OGDHL: variants seen among roughly 807,000 people sequenced by gnomAD.
OGDHL encodes 2-oxoglutarate dehydrogenase-like, mitochondrial.
In OGDHL, 79 loss-of-function variants were observed where a neutral mutation model predicts 109.6. The ratio of observed to expected loss-of-function variants is 0.72; its 90% CI spans 0.60 to 0.87. The LOEUF (loss-of-function observed/expected upper bound fraction) is 0.87, where lower values mean the gene tolerates loss of function less well. Ranked by LOEUF, OGDHL falls within the 40% of genes least tolerant of loss-of-function variation. The pLI, the probability that OGDHL is intolerant of heterozygous loss-of-function variation, is 0.00. For missense variants in OGDHL, 1,275 were observed against 1,362.2 expected, an observed-to-expected ratio of 0.94 and a Z score of 1.01; for synonymous variants, 528 against 537.2, an observed-to-expected ratio of 0.98 and a Z score of 0.24.
chr10:49,749,879 C>A (rs1049193963), intron 7 of OGDHL, 63 bp from the exon 8 acceptor site: 4 of 1,415,336 alleles, frequency 2.8e-6, no homozygotes, highest in East Asian at 2.5e-5. Flanking sequence ...TTCCCTCCCC[C>A]ACTGTGGAGG....
At chr10:49,758,361 T>A (rs1181525881) in intron 2 of OGDHL, 28 bp downstream of exon 2, 7 of 1,583,766 alleles carry the variant, frequency 4.4e-6, no homozygotes, top group Non-Finnish European at 6.0e-6. Flanking sequence ...TCCCTTGCGG[T>A]GGCCCAGGGT....
In OGDHL at chr10:49,758,450, C is replaced by T. The variant is rs1015828037; in HGVS notation, c.143G>A (p.Gly48Asp). The T allele has an allele frequency of 6.2e-7, 1 of 1,613,880 alleles. No individual in the cohort carries two copies. Among genetic ancestry groups the T allele is most frequent in the African/African-American group, 1.3e-5 (1 of 75,052 alleles). Residue 48 changes from glycine (G) to aspartate (D), a missense_variant, in exon 2 of 23, where the codon GGC (glycine) becomes GAC (aspartate). Gly to Asp is a moderately conservative substitution (Grantham distance 94, BLOSUM62 -1). Coordinates refer to ENST00000374103, the MANE Select transcript of OGDHL (RefSeq NM_018245.3). ...ATFPSSKGGG[G>D]SSYMEEMYFA... The stretch of plus-strand genomic sequence containing the variant: ...GTACATCTCCTCCATGTAACTGGAG[C>T]CGCCTCCACCTTTGCTGCTTGGGAA...
At chr10:49,742,413 T>TTCACC in intron 15 of OGDHL, among the ~76,000 whole-genome samples, 1 of 702 alleles carries the variant, frequency 1.4e-3, no homozygotes, top group Non-Finnish European at 3.2e-3. Context: ...ACACACACCA[T>TTCACC]ACACACATAC....
chr10:49,758,482 C>T lies in OGDHL; in HGVS notation c.111G>A (p.Pro37=), dbSNP rs138949514. 4.6e-4 allele frequency: 746 copies of T among 1,613,754 alleles called. 1 individual carries two copies. The highest frequency in any genetic ancestry group is 5.8e-4 in the Non-Finnish European group (690 of 1,180,044). The change falls in exon 2 of 23, where the codon CCG becomes CCA. Residue 37 remains proline (P), a synonymous_variant. Transcript: ENST00000374103. ...CACCTTTGCTGCTTGGGAAGGTGGC[C>T]GGTGGCCCGGAGGACCTGCTGCGCC... is the stretch of plus-strand genomic sequence containing the variant. The part of the protein sequence containing the change: ...FGWRSRSSGP[P]ATFPSSKGGG...
intron 6 of OGDHL, among the ~76,000 whole-genome samples, chr10:49,751,390 C>T (rs941832657): frequency 5.3e-5 from 8 of 152,134 alleles, no homozygotes; most frequent in South Asian, 4.1e-4. Flanking sequence ...GCCCACACCT[C>T]GCTGCTCAGG....
intron 14 of OGDHL, chr10:49,743,708 G>A: frequency 3.6e-6 from 1 of 280,184 alleles, no homozygotes; most frequent in Non-Finnish European, 6.8e-6. Flanking sequence ...CCTGACCCAG[G>A]GACGCCCCGG....
Position 49,753,888 on chromosome 10 carries a change from TAAAAAAAAAAAAAAA to T in OGDHL, c.376-1163_376-1149del, listed in dbSNP as rs63200161. On this transcript the variant is annotated intron_variant, in intron 3 of 22. Coordinates refer to ENST00000374103, the MANE Select transcript of OGDHL (RefSeq NM_018245.3). ...CTGGGCTACAAGGAGAAACTCCATC[TAAAAAAAAAAAAAAA>T]AAAAAAAAAGAACTGTTATTCTAAG... Among the ~76,000 whole-genome samples the T allele has an allele frequency of 4.5e-4, 39 of 87,270 alleles. No homozygotes were observed. The East Asian group carries it at 0.015, about 33-fold the overall frequency. The allele number at this position is 87,270 out of a possible 152,430, so 57.3% of individuals were successfully genotyped here.
At position 49,742,091 on chromosome 10, in the gene OGDHL, A is replaced by ACAC. The variant is rs542186958; in HGVS notation, c.2012+736_2012+737insGTG. On this transcript the variant is annotated intron_variant, in intron 15 of 22. Coordinates refer to ENST00000374103, the MANE Select transcript of OGDHL (RefSeq NM_018245.3). ...ACACCACACACCCCACACATACCAC[A>ACAC]CAAACACCCTCACACACATTACACA... 2.7e-3 allele frequency among the ~76,000 whole-genome samples: 376 copies of ACAC among 137,408 alleles called. 2 individuals carry two copies. The highest frequency in any genetic ancestry group is 9.8e-3 in the African/African-American group (353 of 36,000). 90.1% of individuals were successfully genotyped at this position (137,408 alleles called of 152,430 possible). A position where few individuals can be genotyped will look rare whatever the true frequency, so the allele number is the denominator to read the frequency against.
intron 6 of OGDHL, 143 bp downstream of exon 6, chr10:49,751,684 C>T (rs1842599536): frequency 1.8e-6 from 2 of 1,117,866 alleles, no homozygotes; most frequent in Non-Finnish European, 2.5e-6. Context: ...CTGGTCCCAA[C>T]TCTCCTCCCT....
At position 49,750,917 on chromosome 10, in the gene OGDHL, A is replaced by G. The variant is rs1166215176; in HGVS notation, c.818T>C (p.Met273Thr). The change falls in exon 7 of 23, where the codon ATG (methionine) becomes ACG (threonine). Residue 273 changes from methionine to threonine, a missense_variant. Transcript: ENST00000374103. ...GATGATGGTCTTGAGGGCAGGAATC[A>G]TCACTTCACAGCCCTCCAGGCCAAA... ...KRFGLEGCEVMIPALKTIIDK... is the reference protein window; with the variant it reads ...KRFGLEGCEVTIPALKTIIDK... 6.2e-7 allele frequency: 1 copy of G among 1,612,616 alleles called. No individual in the cohort carries two copies. Among genetic ancestry groups the G allele is most frequent in the Non-Finnish European group, 8.5e-7 (1 of 1,179,322 alleles).
At chr10:49,740,559 G>A in intron 16 of OGDHL, 151 bp downstream of exon 16, 1 of 963,428 alleles carries the variant, frequency 1.0e-6, no homozygotes, top group East Asian at 2.8e-5. Flanking sequence ...CTTAGGTGAG[G>A]GCAGCCCAAT....
At chr10:49,739,324 C>T (rs1473652851) in intron 17 of OGDHL, 1 of 249,228 alleles carries the variant, frequency 4.0e-6, no homozygotes, top group Non-Finnish European at 7.7e-6. Context: ...CAACCTACTC[C>T]CCAGCTCTGT....
chr10:49,755,388 A>G (rs1026142260), intron 3 of OGDHL, among the ~76,000 whole-genome samples: 5 of 152,216 alleles, frequency 3.3e-5, no homozygotes, highest in African/African-American at 7.2e-5. Context: ...ACACAAAGAA[A>G]TGTTCAATGA....
Position 49,736,133 on chromosome 10 carries a change from C to G in OGDHL, c.2799G>C (p.Lys933Asn). 1 of 1,610,306 alleles carries G rather than the reference C, an allele frequency of 6.2e-7. No homozygotes were observed. The highest frequency in any genetic ancestry group is 8.5e-7 in the Non-Finnish European group (1 of 1,178,096). Residue 933 changes from lysine (K) to asparagine (N), a missense_variant, in exon 22 of 23, where the codon AAG becomes AAC. Physicochemically the swap from Lys to Asn is moderately conservative, Grantham distance 94. Transcript: ENST00000374103. ...ACCAGGCCAGCTCCGCACCTGGGTA[C>G]TTCTCTGCCTCCTGCTTGATCAGGT... ...PFDLIKQEAEKYPGAELAWCQ... is the reference protein window; with the variant it reads ...PFDLIKQEAENYPGAELAWCQ...
rs147997677 is a variant in OGDHL, at chr10:49,758,581, C to T, written c.12G>A (p.Leu4=). 129 of 1,613,814 alleles carry T rather than the reference C, an allele frequency of 8.0e-5. No homozygotes were observed. The African/African-American group carries it at 1.6e-3, about 20-fold the overall frequency. The part of the protein sequence containing the change: MSQ[L]RLLPSRLGVQ... The stretch of plus-strand genomic sequence containing the variant: ...CCCCAAGACGGGACGGCAGCAGCCT[C>T]AGCTGACTCATTCTGGACACAGGCA... Residue 4 remains leucine, a synonymous_variant, in exon 2 of 23, where the codon CTG becomes CTA. Transcript: ENST00000374103.
chr10:49,756,569 G>C (rs1842926597), intron 3 of OGDHL: 1 of 496,048 alleles, frequency 2.0e-6, no homozygotes, highest in Middle Eastern at 5.1e-4. Context: ...AAGTCAGTAT[G>C]CACAAAAAAA....
At position 49,752,870 on chromosome 10, in the gene OGDHL, C is replaced by T. The variant is rs79755453; in HGVS notation, c.376-130G>A. ...TAAGCTTCCCCATGTCTCTGCCCCG[C>T]GGCTACTTCACTGCTGCCTGCGAGA... On this transcript the variant is annotated intron_variant, in intron 3 of 22. Transcript: ENST00000374103. The T allele has an allele frequency of 7.8e-4, 507 of 654,042 alleles. 1 individual carries two copies. The highest frequency in any genetic ancestry group is 7.1e-3 in the African/African-American group (390 of 54,950). The allele number at this position is 654,042 out of a possible 1,614,324, so 40.5% of individuals were successfully genotyped here.
chr10:49,752,578 G>T lies in OGDHL; in HGVS notation c.478+60C>A, dbSNP rs942825793. The T allele has an allele frequency of 3.6e-6, 5 of 1,386,768 alleles. No homozygotes were observed. In the African/African-American group the frequency reaches 4.2e-5, roughly 12 times the overall value. 85.9% of individuals were successfully genotyped at this position (1,386,768 alleles called of 1,614,324 possible). A position where few individuals can be genotyped will look rare whatever the true frequency, so the allele number is the denominator to read the frequency against. On this transcript the variant is annotated intron_variant, in intron 4 of 22. Coordinates refer to ENST00000374103, the MANE Select transcript of OGDHL (RefSeq NM_018245.3). Reference sequence around the variant, plus strand: ...GGATCAGGCTGTCCCTAGTGCCCGTGGGCCCCTTACTGGGCCACCCACACA... The same window carrying T: ...GGATCAGGCTGTCCCTAGTGCCCGTTGGCCCCTTACTGGGCCACCCACACA...
chr10:49,751,367 G>A (rs1421156052), intron 6 of OGDHL, among the ~76,000 whole-genome samples: 1 of 152,074 alleles, frequency 6.6e-6, no homozygotes, highest in Non-Finnish European at 1.5e-5. Flanking sequence ...CACCCAGCCA[G>A]ATCCAAACTC....
Sources: gnomAD v4.1 joint callset for allele counts (sites outside exome capture counted in the v4.1 genomes callset) on GRCh38, gnomAD v4.1.1 for gene constraint, MANE v1.5 for transcripts, NCBI Gene and HGNC (gene_info 2026-07-23, HGNC 2026-07-21) for gene names.